The following MACROD2 variants were observed in gnomAD, a reference collection of about 807,000 sequenced individuals.
The protein encoded by MACROD2 is ADP-ribose glycohydrolase MACROD2.
In MACROD2, 36 loss-of-function variants were observed where a neutral mutation model predicts 70.4. The ratio of observed to expected loss-of-function variants is 0.51; its 90% CI spans 0.39 to 0.68. The LOEUF is 0.68. Among genes scored for constraint, MACROD2 ranks in the 30% least tolerant of loss-of-function variants. MACROD2 has a pLI of 0.00. For synonymous variants in MACROD2, 172 were observed against 178.8 expected, an observed-to-expected ratio of 0.96 and a Z score of 0.30; for missense variants, 496 against 538.4, an observed-to-expected ratio of 0.92 and a Z score of 0.78.
intron 5 of MACROD2, among the ~76,000 whole-genome samples, chr20:14,788,670 G>T (rs1200026732): frequency 6.6e-6 from 1 of 150,438 alleles, no homozygotes; most frequent in Non-Finnish European, 1.5e-5. Context: ...ATATTAACAG[G>T]GTTTATTTGA....
intron 5 of MACROD2, among the ~76,000 whole-genome samples, chr20:15,082,772 T>C (rs183993416): frequency 1.3e-5 from 2 of 152,282 alleles, no homozygotes; most frequent in East Asian, 3.9e-4. Flanking sequence ...AATTGTGACA[T>C]TTCTTTTCTG....
intron 5 of MACROD2, among the ~76,000 whole-genome samples, chr20:14,832,077 C>G (rs2122238833): frequency 8.5e-6 from 1 of 117,408 alleles, no homozygotes; most frequent in East Asian, 2.8e-4. Flanking sequence ...GAGTCTCGCT[C>G]TGTGGCCCAG....
Position 14,338,224 on chromosome 20 carries a change from A to G in MACROD2, c.272-155255A>G, listed in dbSNP as rs368944600. On this transcript the variant is annotated intron_variant, in intron 3 of 17. Coordinates refer to ENST00000684519, the MANE Select transcript of MACROD2 (RefSeq NM_001351661.2). ...CGAGACCAGCCTGACCAACATGTAG[A>G]AAAAATTAGCTGGGCGCCCGTAATC... Among the ~76,000 whole-genome samples, 9 of 152,300 alleles carry G rather than the reference A, an allele frequency of 5.9e-5. No homozygotes were observed. In the East Asian group the frequency reaches 1.7e-3, roughly 29 times the overall value.
At chr20:14,678,044 T>G (rs576719139) in intron 4 of MACROD2, among the ~76,000 whole-genome samples, 1 of 152,290 alleles carries the variant, frequency 6.6e-6, no homozygotes, top group Admixed American at 6.5e-5. Flanking sequence ...AATAAAGGTT[T>G]ATCACCTGAT....
At chr20:15,061,013 G>A (rs2075528195) in intron 5 of MACROD2, among the ~76,000 whole-genome samples, 1 of 152,186 alleles carries the variant, frequency 6.6e-6, no homozygotes, top group Admixed American at 6.5e-5. Flanking sequence ...ATGGGTGAAA[G>A]CTCAGAGAAG....
intron 5 of MACROD2, among the ~76,000 whole-genome samples, chr20:14,741,483 T>C (rs1249199716): frequency 6.6e-6 from 1 of 152,132 alleles, no homozygotes; most frequent in Non-Finnish European, 1.5e-5. Context: ...TTCTACTATA[T>C]GCAATCCTGA....
intron 8 of MACROD2, among the ~76,000 whole-genome samples, chr20:15,672,025 G>A (rs1463034128): frequency 6.6e-6 from 1 of 152,126 alleles, no homozygotes; most frequent in Non-Finnish European, 1.5e-5. Flanking sequence ...CTGACCCACT[G>A]TAGCAAACAG....
At chr20:15,371,328 G>A (rs2045490224) in intron 6 of MACROD2, among the ~76,000 whole-genome samples, 1 of 152,104 alleles carries the variant, frequency 6.6e-6, no homozygotes, top group Non-Finnish European at 1.5e-5. Flanking sequence ...AGGTTTCAGA[G>A]ACAATTTCCA....
At chr20:14,370,064 A>G in intron 3 of MACROD2, among the ~76,000 whole-genome samples, 1 of 152,320 alleles carries the variant, frequency 6.6e-6, no homozygotes, top group East Asian at 1.9e-4. Context: ...TAGAGTCTTC[A>G]AGACCTTATT....
At chr20:14,229,077 T>C (rs913015526) in intron 3 of MACROD2, among the ~76,000 whole-genome samples, 1 of 152,036 alleles carries the variant, frequency 6.6e-6, no homozygotes, top group African/African-American at 2.4e-5. Flanking sequence ...TCCAACTATA[T>C]GTTCAACATA....
chr20:14,967,587 C>T (rs1484065878), intron 5 of MACROD2, among the ~76,000 whole-genome samples: 1 of 152,090 alleles, frequency 6.6e-6, no homozygotes, highest in Non-Finnish European at 1.5e-5. Context: ...CTCTTAGTGT[C>T]AACTTTTGAT....
At chr20:15,887,947 G>A (rs914760555) in intron 10 of MACROD2, among the ~76,000 whole-genome samples, 1 of 152,030 alleles carries the variant, frequency 6.6e-6, no homozygotes, top group African/African-American at 2.4e-5. Flanking sequence ...TTGGCCATAC[G>A]TGGCTAGTGG....
intron 5 of MACROD2, among the ~76,000 whole-genome samples, chr20:15,004,967 A>G (rs773062886): frequency 1.3e-5 from 2 of 152,182 alleles, no homozygotes; most frequent in Non-Finnish European, 2.9e-5. Flanking sequence ...GTGGCGAGTA[A>G]GGAGGAAGTT....
rs551699487 is a variant in MACROD2, at chr20:14,522,034, C to T, written c.301+28526C>T. 9.5e-4 allele frequency among the ~76,000 whole-genome samples: 145 copies of T among 152,222 alleles called. 1 individual carries two copies. The highest frequency in any genetic ancestry group is 1.5e-3 in the South Asian group (7 of 4,824). Reference sequence around the variant, plus strand: ...CTCTAGGGGGTTAATGAAGCCTTCCCGTCGAAGCCGCTGTGATGAGAGGAC... The same window carrying T: ...CTCTAGGGGGTTAATGAAGCCTTCCTGTCGAAGCCGCTGTGATGAGAGGAC... On this transcript the variant is annotated intron_variant, in intron 4 of 17. Transcript: ENST00000684519.
At chr20:14,252,206 C>G (rs949663197) in intron 3 of MACROD2, among the ~76,000 whole-genome samples, 3 of 151,928 alleles carry the variant, frequency 2.0e-5, no homozygotes, top group African/African-American at 7.2e-5. Flanking sequence ...GAAAATTGCA[C>G]AAATCTATGC....
chr20:14,723,161 G>T (rs1052582994), intron 5 of MACROD2, among the ~76,000 whole-genome samples: 3 of 152,066 alleles, frequency 2.0e-5, no homozygotes, highest in African/African-American at 7.2e-5. Context: ...CTATCTCCTT[G>T]GTGTAGTGAC....
chr20:14,697,624 C>A (rs1487110790), intron 5 of MACROD2, among the ~76,000 whole-genome samples: 1 of 152,150 alleles, frequency 6.6e-6, no homozygotes, highest in African/African-American at 2.4e-5. Flanking sequence ...ATCACACAGC[C>A]CTCTTTCCTC....
intron 6 of MACROD2, among the ~76,000 whole-genome samples, chr20:15,307,748 T>A (rs190247566): frequency 6.6e-6 from 1 of 152,282 alleles, no homozygotes; most frequent in Admixed American, 6.5e-5. Context: ...AAAATAATTT[T>A]CTTTTTTTTC....
intron 5 of MACROD2, among the ~76,000 whole-genome samples, chr20:15,075,931 G>A (rs2075654172): frequency 6.6e-6 from 1 of 152,020 alleles, no homozygotes; most frequent in African/African-American, 2.4e-5. Context: ...AAATTTTAGG[G>A]GAAGAATATG....
Sources: allele counts gnomAD v4.1 joint callset (sites outside exome capture counted in the v4.1 genomes callset), GRCh38; gene constraint gnomAD v4.1.1; transcripts MANE v1.5; gene names NCBI Gene and HGNC (gene_info 2026-07-23, HGNC 2026-07-21).